NRXN2: variants seen among roughly 807,000 people sequenced by gnomAD.
NRXN2 encodes neurexin 2.
In NRXN2, 29 loss-of-function variants were observed where a neutral mutation model predicts 128.8. That is an observed-to-expected ratio of 0.23 (90% CI 0.17 to 0.31). The LOEUF is 0.31. Among genes scored for constraint, NRXN2 ranks in the 10% least tolerant of loss-of-function variants. NRXN2 has a pLI of 1.00. For missense variants in NRXN2, 1,881 were observed against 2,452.6 expected (o/e 0.77, Z 4.92); for synonymous variants, 1,098 against 1,075.2 (o/e 1.02, Z -0.41).
chr11:64,717,724 T>G (rs1480799499), intron 1 of NRXN2, among the ~76,000 whole-genome samples: 1 of 152,224 alleles, frequency 6.6e-6, no homozygotes, highest in Non-Finnish European at 1.5e-5. Context: ...CCATGTGCGC[T>G]GTCTTAGTCA....
In NRXN2 at chr11:64,630,566, C is replaced by T; in HGVS notation, c.3593G>A (p.Gly1198Asp). ...CACGTTAAAGATCACCCCCACGGTG[C>T]CCTGGTCCTGGGGACATGGAGGTGG... Reference protein sequence around the residue: ...GDYLQLHIDQGTVGVIFNVGT... With the variant: ...GDYLQLHIDQDTVGVIFNVGT... Residue 1198 changes from glycine (G) to aspartate (D), a missense_variant, in exon 19 of 23, where the codon GGC becomes GAC. Gly to Asp is a moderately conservative substitution (Grantham distance 94). Transcript: ENST00000265459. The surrounding 1 kb of genome is among the most constrained non-coding windows in gnomAD (Gnocchi z 4.6). 1.2e-6 allele frequency: 2 copies of T among 1,613,930 alleles called. No individual in the cohort carries two copies. Among genetic ancestry groups the T allele is most frequent in the South Asian group, 1.1e-5 (1 of 91,088 alleles).
chr11:64,634,645 G>A (rs1026663810), intron 18 of NRXN2, among the ~76,000 whole-genome samples: 2 of 150,154 alleles, frequency 1.3e-5, no homozygotes, highest in African/African-American at 5.0e-5. Context: ...GTCAGGGTGA[G>A]GATGTGGGGC....
rs2042670088 is a variant in NRXN2 at position 64,623,528 on chromosome 11, C to T, written c.3848-450G>A. On this transcript the variant is annotated intron_variant, in intron 20 of 22. Transcript: ENST00000265459. This position sits in a 1 kb window ranked among gnomAD's most constrained non-coding sequence, Gnocchi z 4.9. ...GAAGCCATGGAGCCCCTGGAAGAGG[C>T]AGATAGAGGAGACAAAGAGGCAGAG... 2 of 214,338 alleles carry T rather than the reference C, an allele frequency of 9.3e-6. No individual in the cohort carries two copies. Among genetic ancestry groups the T allele is most frequent in the South Asian group, 7.7e-5 (1 of 12,918 alleles). 13.3% of individuals were successfully genotyped at this position (214,338 alleles called of 1,614,324 possible).
At chr11:64,650,777 C>G in intron 14 of NRXN2, 139 bp from the exon 15 acceptor site, 1 of 760,932 alleles carries the variant, frequency 1.3e-6, no homozygotes, top group Non-Finnish European at 2.2e-6. Flanking sequence ...AGGAGAGCGA[C>G]CAAAACCAAT....
chr11:64,683,264 T>A (rs1406832981), intron 6 of NRXN2, among the ~76,000 whole-genome samples: 2 of 152,124 alleles, frequency 1.3e-5, no homozygotes, highest in African/African-American at 4.8e-5. Context: ...ACTCCACCCA[T>A]CATCACCCTT....
intron 17 of NRXN2, among the ~76,000 whole-genome samples, chr11:64,643,792 A>G (rs571230904): frequency 6.6e-6 from 1 of 150,448 alleles, no homozygotes; most frequent in African/African-American, 2.5e-5. Context: ...CTCCTCCTGC[A>G]CCCCCCTCCT....
rs573503789 is a variant in NRXN2 at position 64,632,318 on chromosome 11, C to T, written c.3586-1745G>A. ...GCACACAGTCATACATGCATGCAGC[C>T]TCTCTCCTCAGATGCAGTAAAGCAG... On this transcript the variant is annotated intron_variant, in intron 18 of 22. Coordinates refer to ENST00000265459, the MANE Select transcript of NRXN2 (RefSeq NM_015080.4). The surrounding 1 kb of genome is among the most constrained non-coding windows in gnomAD (Gnocchi z 4.2). 1.3e-5 allele frequency among the ~76,000 whole-genome samples: 2 copies of T among 152,322 alleles called. No homozygotes were observed. Among genetic ancestry groups the T allele is most frequent in the East Asian group, 3.9e-4 (2 of 5,188 alleles).
rs969629354 is a variant in NRXN2, at chr11:64,661,494, C to T, written c.1799-355G>A. 99 of 834,776 alleles carry T rather than the reference C, an allele frequency of 1.2e-4. No individual in the cohort carries two copies. The Middle Eastern group carries it at 2.0e-3, about 16-fold the overall frequency. 51.7% of individuals were successfully genotyped at this position (834,776 alleles called of 1,614,324 possible). ...GAAAGGGTTGGATCATTCACTGGGT[C>T]ATTCCTGCCAGCCAGTTCCTTAGAC... On this transcript the variant is annotated intron_variant, in intron 9 of 22. Transcript: ENST00000265459.
intron 6 of NRXN2, among the ~76,000 whole-genome samples, chr11:64,681,045 T>A (rs2052175940): frequency 7.0e-6 from 1 of 143,692 alleles, no homozygotes; most frequent in Non-Finnish European, 1.5e-5. Flanking sequence ...TGCAGTGAGC[T>A]GAGACTGCGC....
At position 64,623,094 on chromosome 11, in the gene NRXN2, G is replaced by T; in HGVS notation, c.3848-16C>A. 1 of 1,588,192 alleles carries T rather than the reference G, an allele frequency of 6.3e-7. No homozygotes were observed. The highest frequency in any genetic ancestry group is 1.8e-5 in the Admixed American group (1 of 56,540). ...AGCTGGCGGCCTTGCAGGAGTGGAA[G>T]GGGGTGACAGAGAAGGGGCAGGCAG... On this transcript the variant is annotated splice_polypyrimidine_tract_variant and intron_variant, in intron 20 of 22. Coordinates refer to ENST00000265459, the MANE Select transcript of NRXN2 (RefSeq NM_015080.4). This position sits in a 1 kb window ranked among gnomAD's most constrained non-coding sequence, Gnocchi z 4.9.
rs372497879 is a variant in NRXN2, at chr11:64,630,165, A to C, written c.3757+237T>G. Among the ~76,000 whole-genome samples the C allele has an allele frequency of 1.8e-5, 2 of 110,872 alleles. No individual in the cohort carries two copies. Among genetic ancestry groups the C allele is most frequent in the East Asian group, 5.0e-4 (2 of 4,012 alleles). 72.7% of individuals were successfully genotyped at this position (110,872 alleles called of 152,430 possible). ...CCAGCTCAGCCCTGCACCCTCCCCC[A>C]TAGGGGGCGCATTCGCACCACCACG... On this transcript the variant is annotated intron_variant, in intron 19 of 22. Transcript: ENST00000265459. The surrounding 1 kb of genome is among the most constrained non-coding windows in gnomAD (Gnocchi z 4.6).
intron 17 of NRXN2, chr11:64,642,811 C>T (rs2045937166): frequency 8.2e-6 from 9 of 1,104,156 alleles, no homozygotes. Flanking sequence ...CATTTCGGCC[C>T]GGGGGCGACC....
Position 64,623,149 on chromosome 11 carries a change from A to G in NRXN2, c.3848-71T>C. The G allele has an allele frequency of 1.3e-6, 2 of 1,526,368 alleles. No homozygotes were observed. The highest frequency in any genetic ancestry group is 1.2e-5 in the South Asian group (1 of 80,420). 94.6% of individuals were successfully genotyped at this position (1,526,368 alleles called of 1,614,324 possible). A position where few individuals can be genotyped will look rare whatever the true frequency, so the allele number is the denominator to read the frequency against. Reference sequence around the variant, plus strand: ...GGGAGACCAGGAAGGGAAGGAAGAAAAGAAGGAAGCCAAGGAGAGGAAAGA... The same window carrying G: ...GGGAGACCAGGAAGGGAAGGAAGAAGAGAAGGAAGCCAAGGAGAGGAAAGA... On this transcript the variant is annotated intron_variant, in intron 20 of 22. Transcript: ENST00000265459. The surrounding 1 kb of genome is among the most constrained non-coding windows in gnomAD (Gnocchi z 4.9).
chr11:64,614,895 T>C (rs376234540), intron 22 of NRXN2, among the ~76,000 whole-genome samples: 3 of 152,316 alleles, frequency 2.0e-5, no homozygotes, highest in East Asian at 3.9e-4. Context: ...TTGAGATGAA[T>C]GCCCTAGCTG....
rs1418257880 is a variant in NRXN2, at chr11:64,635,409, G to C, written c.3447C>G (p.Thr1149=). 1 of 1,613,866 alleles carries C rather than the reference G, an allele frequency of 6.2e-7. No homozygotes were observed. The highest frequency in any genetic ancestry group is 8.5e-7 in the Non-Finnish European group (1 of 1,180,014). Reference sequence around the variant, plus strand: ...GCCTGTCATTGGGGGGCCACGTGTAGGTGATGAGCGCTCCCCCCTTCCCAA... The same window carrying C: ...GCCTGTCATTGGGGGGCCACGTGTACGTGATGAGCGCTCCCCCCTTCCCAA... ...YIFGKGGALI[T]YTWPPNDRPS... is the part of the protein sequence containing the mutation. The change falls in exon 18 of 23, where the codon ACC becomes ACG. Residue 1149 remains threonine, a synonymous_variant. Coordinates refer to ENST00000265459, the MANE Select transcript of NRXN2 (RefSeq NM_015080.4). This position sits in a 1 kb window ranked among gnomAD's most constrained non-coding sequence, Gnocchi z 4.8.
chr11:64,607,690 C>A lies in NRXN2; in HGVS notation c.4645G>T (p.Val1549Leu), dbSNP rs1344268133. ...RTDGATGAPG[V>L]LFAPSAPAPN... Reference sequence around the variant, plus strand: ...GCCGGGGCGGAGGGGGCAAACAGCACCCCAGGGGCGCCCGTGGCCCCATCT... The same window carrying A: ...GCCGGGGCGGAGGGGGCAAACAGCAACCCAGGGGCGCCCGTGGCCCCATCT... The change falls in exon 23 of 23, where the codon GTG becomes TTG. Residue 1549 changes from valine to leucine, a missense_variant. By Grantham distance (32) the Val-to-Leu change is conservative. This residue lies in a region of NRXN2 where 310 missense variants were observed against 318.2 expected (regional missense o/e 0.97). Coordinates refer to ENST00000265459, the MANE Select transcript of NRXN2 (RefSeq NM_015080.4). The A allele has an allele frequency of 6.5e-7, 1 of 1,541,088 alleles. No homozygotes were observed. Among genetic ancestry groups the A allele is most frequent in the Non-Finnish European group, 8.8e-7 (1 of 1,140,474 alleles).
rs1407275009 is a variant in NRXN2, at chr11:64,661,010, G to T, written c.1928C>A (p.Pro643Gln). 1 of 1,613,686 alleles carries T rather than the reference G, an allele frequency of 6.2e-7. No homozygotes were observed. The highest frequency in any genetic ancestry group is 1.3e-5 in the African/African-American group (1 of 75,042). ...EGGRVDLPLP[P>Q]EVWTAALRAG... Reference sequence around the variant, plus strand: ...CCGGAGTGCTGCTGTCCACACCTCTGGGGGCAGGGGCAGGTCCACCCGGCC... The same window carrying T: ...CCGGAGTGCTGCTGTCCACACCTCTTGGGGCAGGGGCAGGTCCACCCGGCC... The change falls in exon 10 of 23, where the codon CCA becomes CAA. Residue 643 changes from proline (P) to glutamine (Q), a missense_variant. This residue lies in a region of NRXN2 where 997 missense variants were observed against 1,240.8 expected (regional missense o/e 0.80). Coordinates refer to ENST00000265459, the MANE Select transcript of NRXN2 (RefSeq NM_015080.4).
At chr11:64,712,584 T>C (rs2057035228) in intron 2 of NRXN2, 3 of 331,496 alleles carry the variant, frequency 9.0e-6, no homozygotes, top group South Asian at 2.3e-5. Flanking sequence ...GCCCACTGCC[T>C]TTAATGGGCC....
Position 64,607,343 on chromosome 11 carries a change from A to C in NRXN2, c.4992T>G (p.Asp1664Glu). Residue 1664 changes from aspartate to glutamate, a missense_variant, in exon 23 of 23, where the codon GAT becomes GAG. By Grantham distance (45) the Asp-to-Glu change is conservative. Around this residue, in one of 7 missense-constraint regions of NRXN2, gnomAD observed 63 missense variants for 76.0 expected, o/e 0.83. Transcript: ENST00000265459. ...TCTGGTCCACCTGGTAGGAGCCCTC[A>C]TCACGATTGCGGTACTTATACATGG... ...LYAMYKYRNR[D>E]EGSYQVDQSR... 1 of 1,613,940 alleles carries C rather than the reference A, an allele frequency of 6.2e-7. No homozygotes were observed. The highest frequency in any genetic ancestry group is 8.5e-7 in the Non-Finnish European group (1 of 1,179,952).
Sources: gnomAD v4.1 joint callset for allele counts (sites outside exome capture counted in the v4.1 genomes callset) on GRCh38, gnomAD v4.1.1 for gene constraint, gnomAD v4.1.1 regional missense constraint, Gnocchi (gnomAD v3.1) non-coding constraint, MANE v1.5 for transcripts, NCBI Gene and HGNC (gene_info 2026-07-23, HGNC 2026-07-21) for gene names.